Variants in ZNF724 observed in about 807,000 individuals in gnomAD.
ZNF724 encodes zinc finger protein 724 pseudogene.
ZNF724 carries 14 observed loss-of-function variants against 29.3 expected under a neutral mutation model. The ratio of observed to expected loss-of-function variants is 0.48; its 90% confidence interval spans 0.32 to 0.75. The LOEUF is 0.75. Among genes scored for constraint, ZNF724 ranks in the 30% least tolerant of loss-of-function variants. ZNF724 has a pLI of 0.04. For missense variants in ZNF724, 557 were observed against 571.2 expected (o/e 0.98, Z 0.25); for synonymous variants, 180 against 193.6 (o/e 0.93, Z 0.58).
chr19:23,237,717 TAAAA>T (rs56110527), intron 1 of ZNF724, among the ~76,000 whole-genome samples: 18 of 132,592 alleles, frequency 1.4e-4, no homozygotes, highest in Non-Finnish European at 2.8e-4. Context: ...GAACCCGTCT[TAAAA>T]AAAAAAAAAA....
chr19:23,224,778 A>C (rs1459473415), intron 3 of ZNF724, among the ~76,000 whole-genome samples: 9 of 152,066 alleles, frequency 5.9e-5, no homozygotes, highest in Non-Finnish European at 2.9e-5. Context: ...AATATGGCGA[A>C]ACCCCGTCTC....
rs781358116 is a variant in ZNF724 at position 23,223,737 on chromosome 19, A to C, written c.508T>G (p.Phe170Val). The change falls in exon 4 of 4, where the codon TTC becomes GTC. Residue 170 changes from phenylalanine (F) to valine (V), a missense_variant. Around this residue, in one of 3 missense-constraint regions of ZNF724, gnomAD observed 362 missense variants for 295.5 expected, o/e 1.22. Coordinates refer to ENST00000418100, the MANE Select transcript of ZNF724 (RefSeq NM_001355404.2). ...SNRHKTEKNP[F>V]KCKECGKSFC... The stretch of plus-strand genomic sequence containing the variant: ...GACTTGCCACATTCTTTACATTTGA[A>C]AGGATTCTTTTCAGTCTTATGTCTA... 8.2e-6 allele frequency: 6 copies of C among 734,432 alleles called. No individual in the cohort carries two copies. Among genetic ancestry groups the C allele is most frequent in the African/African-American group, 3.5e-5 (2 of 57,506 alleles). 45.5% of individuals were successfully genotyped at this position (734,432 alleles called of 1,614,324 possible).
chr19:23,248,793 G>C (rs1412310086), intron 1 of ZNF724, among the ~76,000 whole-genome samples: 1 of 151,964 alleles, frequency 6.6e-6, no homozygotes, highest in East Asian at 1.9e-4. Flanking sequence ...TCAAAAGGTC[G>C]AGACCAGCCT....
intron 3 of ZNF724, among the ~76,000 whole-genome samples, chr19:23,225,375 C>T (rs1441876247): frequency 3.9e-5 from 6 of 151,932 alleles, no homozygotes; most frequent in African/African-American, 1.2e-4. Flanking sequence ...GAGGCAGAAG[C>T]GGGTGGATCA....
intron 2 of ZNF724, among the ~76,000 whole-genome samples, chr19:23,231,704 T>C (rs1971936060): frequency 6.6e-6 from 1 of 152,096 alleles, no homozygotes; most frequent in Admixed American, 6.6e-5. Context: ...ATTTTTTTTT[T>C]TCTACATTGA....
rs1441275641 is a variant in ZNF724 at position 23,222,348 on chromosome 19, A to G, written c.*37T>C. ...CGCCTTGGCCTCCCAAAGTGCTGGG[A>G]TTACAGGTGTGAGCCACCACGCCTG... On this transcript the variant is annotated 3_prime_UTR_variant, in exon 4 of 4. Transcript: ENST00000418100. The G allele has an allele frequency of 7.1e-6, 6 of 840,268 alleles. No homozygotes were observed. The East Asian group carries it at 1.6e-4, about 22-fold the overall frequency. 52.1% of individuals were successfully genotyped at this position (840,268 alleles called of 1,614,324 possible).
rs377396692 is a variant in ZNF724 at position 23,222,233 on chromosome 19, C to T, written c.*152G>A. On this transcript the variant is annotated 3_prime_UTR_variant, in exon 4 of 4. Transcript: ENST00000418100. ...AAATATTGAGGTGTTGTCAACTGCA[C>T]TGTTATATCTTTCAGGTTTGTACGG... 4 of 584,580 alleles carry T rather than the reference C, an allele frequency of 6.8e-6. No individual in the cohort carries two copies. The highest frequency in any genetic ancestry group is 6.2e-4 in the Middle Eastern group (2 of 3,238). 36.2% of individuals were successfully genotyped at this position (584,580 alleles called of 1,614,324 possible). A position where few individuals can be genotyped will look rare whatever the true frequency, so the allele number is the denominator to read the frequency against.
At position 23,240,458 on chromosome 19, in the gene ZNF724, C is replaced by T. The variant is rs540367492; in HGVS notation, c.4-8165G>A. Among the ~76,000 whole-genome samples the T allele has an allele frequency of 1.8e-4, 27 of 151,864 alleles. No homozygotes were observed. In the East Asian group the frequency reaches 3.5e-3, roughly 20 times the overall value. On this transcript the variant is annotated intron_variant, in intron 1 of 3. Transcript: ENST00000418100. ...GACAGTTTTAAACAAAATTATTGGA[C>T]GACATTATTCTGGACTGAGCTTGTG...
chr19:23,250,195 C>G (rs372070485), intron 1 of ZNF724, 45 bp downstream of exon 1: 71 of 592,036 alleles, frequency 1.2e-4, no homozygotes, highest in East Asian at 6.3e-4. Flanking sequence ...CAGGTTTCAA[C>G]CAGCCCCTCC....
In ZNF724 at chr19:23,222,948, G is replaced by C; in HGVS notation, c.1297C>G (p.Gln433Glu). 1 of 1,377,308 alleles carries C rather than the reference G, an allele frequency of 7.3e-7. No individual in the cohort carries two copies. Among genetic ancestry groups the C allele is most frequent in the South Asian group, 1.2e-5 (1 of 86,016 alleles). 85.3% of individuals were successfully genotyped at this position (1,377,308 alleles called of 1,614,324 possible). Residue 433 changes from glutamine (Q) to glutamate (E), a missense_variant, in exon 4 of 4, where the codon CAG (glutamine) becomes GAG (glutamate). Gln to Glu is a conservative substitution (Grantham distance 29, BLOSUM62 2). Transcript: ENST00000418100. ...TTATGTGTAGTAAGTTGTGAGAACTGGTTAAAGGCTTTGCCACATTCTTCA... is the reference window on the plus strand; with the variant it reads ...TTATGTGTAGTAAGTTGTGAGAACTCGTTAAAGGCTTTGCCACATTCTTCA... Reference protein sequence around the residue: ...KCEECGKAFNQFSQLTTHKII... With the variant: ...KCEECGKAFNEFSQLTTHKII...
chr19:23,224,082 T>C, intron 3 of ZNF724, 64 bp from the exon 4 acceptor site: 1 of 596,470 alleles, frequency 1.7e-6, no homozygotes, highest in Non-Finnish European at 3.0e-6. Context: ...TCTTTACACA[T>C]CTAACCTACA....
In ZNF724 at chr19:23,223,609, G is replaced by T. The variant is rs1040465441; in HGVS notation, c.636C>A (p.Thr212=). 9.8e-6 allele frequency: 7 copies of T among 715,462 alleles called. No homozygotes were observed. The African/African-American group carries it at 1.0e-4, about 11-fold the overall frequency. The allele number at this position is 715,462 out of a possible 1,614,324, so 44.3% of individuals were successfully genotyped here. A position where few individuals can be genotyped will look rare whatever the true frequency, so the allele number is the denominator to read the frequency against. ...TATGAATTCTCTTATGTTGAGAAAG[G>T]GTTGAGGACACATTAAAGGCCTTGC... The part of the protein sequence containing the change: ...ECGKAFNVSS[T]LSQHKRIHTG... The change falls in exon 4 of 4, where the codon ACC becomes ACA. Residue 212 remains threonine, a synonymous_variant. Transcript: ENST00000418100.
At chr19:23,229,077 A>G (rs1458200208) in intron 3 of ZNF724, among the ~76,000 whole-genome samples, 1 of 151,972 alleles carries the variant, frequency 6.6e-6, no homozygotes, top group Admixed American at 6.6e-5. Flanking sequence ...GAAAAAAAAA[A>G]AGAGAGATTG....
In ZNF724 at chr19:23,249,175, T is replaced by C. The variant is rs1430522327; in HGVS notation, c.3+1065A>G. 7.9e-5 allele frequency among the ~76,000 whole-genome samples: 12 copies of C among 151,892 alleles called. No homozygotes were observed. In the East Asian group the frequency reaches 1.9e-3, roughly 24 times the overall value. On this transcript the variant is annotated intron_variant, in intron 1 of 3. Transcript: ENST00000418100. ...CTTATAAACCAAAAACTACAACCCA[T>C]AGGGGTGCTCTAAAATTTTTGAACC...
intron 3 of ZNF724, among the ~76,000 whole-genome samples, chr19:23,227,802 A>G (rs1568339620): frequency 1.3e-5 from 2 of 151,938 alleles, no homozygotes; most frequent in African/African-American, 4.8e-5. Flanking sequence ...TAAGTATCTA[A>G]TTTACTTCAG....
intron 1 of ZNF724, among the ~76,000 whole-genome samples, chr19:23,238,234 G>A (rs538998576): frequency 5.1e-4 from 77 of 152,176 alleles, no homozygotes; most frequent in African/African-American, 1.8e-3. Flanking sequence ...ATGTGGTGGT[G>A]GGCGCCTGTA....
intron 1 of ZNF724, among the ~76,000 whole-genome samples, chr19:23,242,873 C>G (rs1030212507): frequency 1.3e-5 from 2 of 150,400 alleles, no homozygotes; most frequent in Non-Finnish European, 3.0e-5. Context: ...AACTCCAGCT[C>G]TACTAAAAAT....
At chr19:23,246,309 T>G (rs184893207) in intron 1 of ZNF724, among the ~76,000 whole-genome samples, 4 of 151,678 alleles carry the variant, frequency 2.6e-5, no homozygotes, top group Non-Finnish European at 4.4e-5. Flanking sequence ...AATCATGTAG[T>G]AAACAATTAG....
At chr19:23,238,714 G>C (rs989985812) in intron 1 of ZNF724, among the ~76,000 whole-genome samples, 1 of 152,176 alleles carries the variant, frequency 6.6e-6, no homozygotes, top group Admixed American at 6.5e-5. Context: ...CAGAAGACCA[G>C]CCTGGCCATC....
Sources: allele counts gnomAD v4.1 joint callset (sites outside exome capture counted in the v4.1 genomes callset), GRCh38; gene constraint gnomAD v4.1.1; regional missense constraint gnomAD v4.1.1; transcripts MANE v1.5; gene names NCBI Gene and HGNC (gene_info 2026-07-23, HGNC 2026-07-21).